The following SMC5 variants were observed in gnomAD, a reference collection of about 807,000 sequenced individuals.
SMC5 encodes structural maintenance of chromosomes 5.
In SMC5, 88 loss-of-function variants were observed where a neutral mutation model predicts 148.3. That is an observed-to-expected ratio of 0.59 (90% CI 0.50 to 0.71). The LOEUF is 0.71. SMC5 is among the 30% of genes least tolerant of loss of function. The probability of loss-of-function intolerance (pLI) is 0.00; values close to 1 mark genes in which losing one functional copy is unlikely to be tolerated. For synonymous variants in SMC5, 421 were observed against 432.8 expected, an observed-to-expected ratio of 0.97 and a Z score of 0.34; for missense variants, 1,142 against 1,298.9, an observed-to-expected ratio of 0.88 and a Z score of 1.86.
Position 70,282,516 on chromosome 9 carries a change from C to T in SMC5, c.914C>T (p.Pro305Leu). ...AGAAAACTTAAAGAAGGGCAGATTCCTGTAACATGTCGAATTGAAGAAATG... is the reference window on the plus strand; with the variant it reads ...AGAAAACTTAAAGAAGGGCAGATTCTTGTAACATGTCGAATTGAAGAAATG... Reference protein sequence around the residue: ...EVRKLKEGQIPVTCRIEEMEN... With the variant: ...EVRKLKEGQILVTCRIEEMEN... Residue 305 changes from proline to leucine, a missense_variant, in exon 7 of 25, where the codon CCT becomes CTT. Pro to Leu is a moderately conservative substitution (Grantham distance 98, BLOSUM62 -3). Coordinates refer to ENST00000361138, the MANE Select transcript of SMC5 (RefSeq NM_015110.4). 6.2e-7 allele frequency: 1 copy of T among 1,606,182 alleles called. No individual in the cohort carries two copies.
At chr9:70,261,193 AG>A (rs2034118854) in intron 1 of SMC5, among the ~76,000 whole-genome samples, 1 of 152,220 alleles carries the variant, frequency 6.6e-6, no homozygotes, top group Non-Finnish European at 1.5e-5. Flanking sequence ...GCAACCATTC[AG>A]GGGCCTGTAT....
In SMC5 at chr9:70,259,231, C is replaced by A; in HGVS notation, c.153C>A (p.Gly51=). ...LLQSSGPFVE[G]SIVRISMENF... The stretch of plus-strand genomic sequence containing the variant: ...AGTCGTCCGGGCCTTTCGTGGAAGG[C>A]TCTATCGTCCGCATCTCGATGGAGA... The change falls in exon 1 of 25, where the codon GGC becomes GGA. Residue 51 remains glycine, a synonymous_variant. Transcript: ENST00000361138. 6.2e-7 allele frequency: 1 copy of A among 1,600,118 alleles called. No homozygotes were observed. Among genetic ancestry groups the A allele is most frequent in the Non-Finnish European group, 8.5e-7 (1 of 1,172,924 alleles).
intron 12 of SMC5, 46 bp downstream of exon 12, chr9:70,314,882 A>G (rs2035754337): frequency 9.7e-6 from 11 of 1,134,662 alleles, no homozygotes; most frequent in East Asian, 2.7e-5. Context: ...TGAATTATTC[A>G]ACATTTATTG....
At chr9:70,306,882 C>T (rs2035515092) in intron 11 of SMC5, among the ~76,000 whole-genome samples, 1 of 152,138 alleles carries the variant, frequency 6.6e-6, no homozygotes, top group South Asian at 2.1e-4. Context: ...TAACCTTCTC[C>T]TGTAATTGTA....
Position 70,353,016 on chromosome 9 carries a change from CA to C in SMC5, c.*689del, listed in dbSNP as rs1281795874. The C allele has an allele frequency of 2.0e-5, 3 of 151,546 alleles. No individual in the cohort carries two copies. The highest frequency in any genetic ancestry group is 4.4e-5 in the Non-Finnish European group (3 of 67,926). 9.4% of individuals were successfully genotyped at this position (151,546 alleles called of 1,614,324 possible). ...GCCACTAGATGATGCAAAATACAAC[CA>C]AAAGATTGACTGAGAATAAAATTAG... On this transcript the variant is annotated 3_prime_UTR_variant, in exon 25 of 25. Coordinates refer to ENST00000361138, the MANE Select transcript of SMC5 (RefSeq NM_015110.4).
intron 10 of SMC5, among the ~76,000 whole-genome samples, chr9:70,303,927 C>T (rs747694375): frequency 7.9e-5 from 12 of 152,024 alleles, no homozygotes; most frequent in Non-Finnish European, 1.5e-4. Context: ...TATATTTATA[C>T]GCTTCTCTTA....
intron 17 of SMC5, among the ~76,000 whole-genome samples, chr9:70,336,295 T>C (rs2036354624): frequency 6.6e-6 from 1 of 152,028 alleles, no homozygotes. Flanking sequence ...TCAAACCCTT[T>C]GACTTAAGAA....
chr9:70,323,398 C>A (rs1015348657), intron 15 of SMC5, 85 bp from the exon 16 acceptor site: 2 of 1,338,418 alleles, frequency 1.5e-6, no homozygotes, highest in Non-Finnish European at 1.0e-6. Context: ...CTAAATATAT[C>A]CCAGAAAACT....
Position 70,318,855 on chromosome 9 carries a change from A to G in SMC5, c.2042A>G (p.Lys681Arg), listed in dbSNP as rs1428146980. ...SGLIALRETS[K>R]HLEHKDNELR... ...TTGATTGCCTTACGTGAAACAAGCA[A>G]ACATCTGGAGCACAAAGACAATGAA... Residue 681 changes from lysine (K) to arginine (R), a missense_variant, in exon 15 of 25, where the codon AAA becomes AGA. By Grantham distance (26) the Lys-to-Arg change is conservative. Transcript: ENST00000361138. 3.1e-6 allele frequency: 5 copies of G among 1,609,490 alleles called. No homozygotes were observed. The African/African-American group carries it at 4.0e-5, about 13-fold the overall frequency.
At chr9:70,321,518 G>C (rs991162136) in intron 15 of SMC5, among the ~76,000 whole-genome samples, 2 of 150,532 alleles carry the variant, frequency 1.3e-5, no homozygotes, top group African/African-American at 4.9e-5. Context: ...TCAGCCTCCT[G>C]AGTGGCTGGG....
At chr9:70,281,289 C>T (rs1056394004) in intron 6 of SMC5, among the ~76,000 whole-genome samples, 2 of 152,000 alleles carry the variant, frequency 1.3e-5, no homozygotes, top group Non-Finnish European at 2.9e-5. Flanking sequence ...TGATCTGCCC[C>T]CCTCGGCCTC....
chr9:70,285,135 C>A (rs2034861123), intron 7 of SMC5, among the ~76,000 whole-genome samples: 1 of 152,178 alleles, frequency 6.6e-6, no homozygotes, highest in East Asian at 1.9e-4. Flanking sequence ...AATTAATTTT[C>A]CTCTATCAGA....
At chr9:70,315,621 T>A in intron 13 of SMC5, 43 bp downstream of exon 13, 1 of 1,429,688 alleles carries the variant, frequency 7.0e-7, no homozygotes, top group Non-Finnish European at 9.2e-7. Flanking sequence ...GTACCAAAAA[T>A]GTAGTTTTGT....
At chr9:70,347,741 T>C (rs367731694) in intron 21 of SMC5, 24 bp downstream of exon 21, 40 of 1,404,788 alleles carry the variant, frequency 2.8e-5, no homozygotes, top group Non-Finnish European at 3.7e-5. Flanking sequence ...TTTTAATCTT[T>C]TTATCATGTG....
intron 6 of SMC5, among the ~76,000 whole-genome samples, chr9:70,281,842 CT>C (rs11293164): frequency 0.017 from 2,511 of 151,800 alleles, 43 homozygotes; most frequent in South Asian, 0.069. Context: ...ATTGATTTAC[CT>C]TTTTTTCATT....
chr9:70,300,257 T>C (rs1217737035), intron 10 of SMC5, 57 bp downstream of exon 10: 1 of 1,519,576 alleles, frequency 6.6e-7, no homozygotes, highest in Non-Finnish European at 8.8e-7. Context: ...TCATAGATTT[T>C]TGTTTTAAGA....
At chr9:70,316,380 T>C (rs767761215) in intron 13 of SMC5, among the ~76,000 whole-genome samples, 8 of 152,064 alleles carry the variant, frequency 5.3e-5, no homozygotes, top group Non-Finnish European at 1.0e-4. Flanking sequence ...ATTTGGGGGC[T>C]CACTATACTT....
chr9:70,352,119 T>TAC, intron 24 of SMC5, 72 bp from the exon 25 acceptor site: 1 of 1,301,166 alleles, frequency 7.7e-7, no homozygotes, highest in Admixed American at 2.3e-5. Context: ...CATTTGACTG[T>TAC]ACACATGTAA....
At chr9:70,285,061 T>G (rs995196307) in intron 7 of SMC5, among the ~76,000 whole-genome samples, 15 of 152,226 alleles carry the variant, frequency 9.9e-5, no homozygotes, top group Non-Finnish European at 5.9e-5. Context: ...AATAGTAATC[T>G]TTATCTTACA....
Sources: gnomAD v4.1 joint callset for allele counts (sites outside exome capture counted in the v4.1 genomes callset) on GRCh38, gnomAD v4.1.1 for gene constraint, MANE v1.5 for transcripts, NCBI Gene and HGNC (gene_info 2026-07-23, HGNC 2026-07-21) for gene names.